Variants in CEP76 observed in about 807,000 individuals in gnomAD.
CEP76 encodes centrosomal protein of 76 kDa.
A neutral mutation model predicts 83.3 loss-of-function variants in CEP76; 55 were observed. The observed-to-expected ratio is 0.66, with a 90% CI of 0.53 to 0.83. CEP76 has a LOEUF of 0.83. CEP76 is among the 40% of genes least tolerant of loss of function. The pLI, the probability that CEP76 is intolerant of heterozygous loss-of-function variation, is 0.00. For synonymous variants in CEP76, 270 were observed against 274.5 expected (o/e 0.98, Z 0.16); for missense variants, 694 against 799.5 (o/e 0.87, Z 1.59).
At chr18:12,662,453 A>G (rs1407165763) in intron 12 of CEP76, among the ~76,000 whole-genome samples, 1 of 152,210 alleles carries the variant, frequency 6.6e-6, no homozygotes, top group Non-Finnish European at 1.5e-5. Flanking sequence ...CTACATTACA[A>G]TGTCCATGTA....
At chr18:12,687,901 T>TA (rs1369958556) in intron 7 of CEP76, among the ~76,000 whole-genome samples, 1 of 152,030 alleles carries the variant, frequency 6.6e-6, no homozygotes. Flanking sequence ...AACTAAATAT[T>TA]AAAAGAATAT....
upstream of CEP76, chr18:12,702,777 G>T (rs193179638): frequency 1.7e-6 from 1 of 580,738 alleles, no homozygotes; most frequent in Non-Finnish European, 3.0e-6. Context: ...GGACAAACAG[G>T]GCTTGGGGCT....
chr18:12,683,807 T>C (rs1424200946), intron 8 of CEP76, among the ~76,000 whole-genome samples: 1 of 151,790 alleles, frequency 6.6e-6, no homozygotes, highest in African/African-American at 2.4e-5. Flanking sequence ...AAAATGTTCA[T>C]AGCATAATGC....
At chr18:12,671,912 C>T (rs187597601), downstream of CEP76, among the ~76,000 whole-genome samples, 85 of 152,190 alleles carry the variant, frequency 5.6e-4, 1 homozygote, top group East Asian at 0.012. Flanking sequence ...CCTCCGCCTC[C>T]CAGGTTCAAG....
chr18:12,671,637 A>G (rs2038945539), downstream of CEP76, among the ~76,000 whole-genome samples: 1 of 121,910 alleles, frequency 8.2e-6, no homozygotes, highest in South Asian at 2.4e-4. Flanking sequence ...CAGGTTTCAC[A>G]CTTTCTTTTT....
At chr18:12,676,435 C>G (rs941410974) in intron 10 of CEP76, among the ~76,000 whole-genome samples, 2 of 150,926 alleles carry the variant, frequency 1.3e-5, no homozygotes, top group East Asian at 3.9e-4. Flanking sequence ...CCACCACACC[C>G]GGCTAATTTT....
At chr18:12,702,291 C>T in intron 1 of CEP76, 195 bp downstream of exon 1, 3 of 551,288 alleles carry the variant, frequency 5.4e-6, no homozygotes, top group Admixed American at 3.7e-5. Context: ...AGCACCTGCT[C>T]GGCTCGTTTT....
At position 12,673,557 on chromosome 18, in the gene CEP76, C is replaced by T. The variant is rs2039007305; in HGVS notation, c.1842-54G>A. 10 of 1,378,108 alleles carry T rather than the reference C, an allele frequency of 7.3e-6. 1 individual carries two copies. The South Asian group carries it at 1.3e-4, about 18-fold the overall frequency. The allele number at this position is 1,378,108 out of a possible 1,614,324, so 85.4% of individuals were successfully genotyped here. A position where few individuals can be genotyped will look rare whatever the true frequency, so the allele number is the denominator to read the frequency against. On this transcript the variant is annotated intron_variant, in intron 11 of 11. Transcript: ENST00000262127. ...TAAGAAGTGACCATACACTTTAATTCCTTATTTGCAAGTAAATCAGTATTT... is the reference window on the plus strand; with the variant it reads ...TAAGAAGTGACCATACACTTTAATTTCTTATTTGCAAGTAAATCAGTATTT...
rs769651931 is a variant in CEP76 at position 12,697,387 on chromosome 18, T to C, written c.542A>G (p.Asp181Gly). 3.7e-6 allele frequency: 6 copies of C among 1,610,570 alleles called. No individual in the cohort carries two copies. Among genetic ancestry groups the C allele is most frequent in the Admixed American group, 1.7e-5 (1 of 59,438 alleles). Reference protein sequence around the residue: ...ESLGDGTRMADSTTMLSISDP... With the variant: ...ESLGDGTRMAGSTTMLSISDP... ...ACTTATTGATAACATTGTTGTTGAATCAGCCATTCTAGTTCCATCACCTAG... is the reference window on the plus strand; with the variant it reads ...ACTTATTGATAACATTGTTGTTGAACCAGCCATTCTAGTTCCATCACCTAG... The change falls in exon 5 of 12, where the codon GAT becomes GGT. Residue 181 changes from aspartate (D) to glycine (G), a missense_variant. Transcript: ENST00000262127.
chr18:12,666,811 A>C (rs1282019831), intron 12 of CEP76, among the ~76,000 whole-genome samples: 1 of 152,068 alleles, frequency 6.6e-6, no homozygotes, highest in Non-Finnish European at 1.5e-5. Context: ...CTACTTTATC[A>C]CAAACAAGCT....
chr18:12,682,191 G>C lies in CEP76; in HGVS notation c.1123-1363C>G, dbSNP rs185923872. On this transcript the variant is annotated intron_variant, in intron 8 of 11. Coordinates refer to ENST00000262127, the MANE Select transcript of CEP76 (RefSeq NM_024899.4). ...TTTTTTTCCTCTCTTTTGAGATAGG[G>C]TCTAGTTCTGACACCCAGGCTGGAG... is the stretch of plus-strand genomic sequence containing the variant. Among the ~76,000 whole-genome samples the C allele has an allele frequency of 4.6e-5, 7 of 151,976 alleles. No homozygotes were observed. The East Asian group carries it at 1.4e-3, about 29-fold the overall frequency.
downstream of CEP76, among the ~76,000 whole-genome samples, chr18:12,668,597 C>CAAAAAAAAAAAAAAAAAAAAAAAAAA (rs752216074): frequency 1.4e-5 from 1 of 72,836 alleles, no homozygotes; most frequent in African/African-American, 5.5e-5. Flanking sequence ...GATTCCATCT[C>CAAAAAAAAAAAAAAAAAAAAAAAAAA]AAAAAAAAAA....
At chr18:12,664,718 A>T (rs964573990) in intron 12 of CEP76, among the ~76,000 whole-genome samples, 1 of 146,510 alleles carries the variant, frequency 6.8e-6, no homozygotes, top group Non-Finnish European at 1.5e-5. Context: ...TTTTTTTTTA[A>T]GACGGGGTCT....
At chr18:12,693,930 C>G (rs955824591) in intron 6 of CEP76, among the ~76,000 whole-genome samples, 1 of 152,124 alleles carries the variant, frequency 6.6e-6, no homozygotes, top group Non-Finnish European at 1.5e-5. Flanking sequence ...ATTCCTGGGT[C>G]AAGCAATCCT....
intron 6 of CEP76, 90 bp downstream of exon 6, chr18:12,695,164 T>C: frequency 2.0e-6 from 1 of 497,366 alleles, no homozygotes; most frequent in Non-Finnish European, 3.5e-6. Context: ...ATGGTAATTT[T>C]CTAAAAATAG....
Position 12,676,279 on chromosome 18 carries a change from C to CTTT in CEP76, c.1624-1529_1624-1527dup, listed in dbSNP as rs1157897766. 3.4e-3 allele frequency among the ~76,000 whole-genome samples: 365 copies of CTTT among 106,356 alleles called. 1 individual carries two copies. The highest frequency in any genetic ancestry group is 5.2e-3 in the East Asian group (18 of 3,442). 69.8% of individuals were successfully genotyped at this position (106,356 alleles called of 152,430 possible). A position where few individuals can be genotyped will look rare whatever the true frequency, so the allele number is the denominator to read the frequency against. ...TTTCTTTTTCTGTAAACAGTAATTC[C>CTTT]TTTTTTTTTTTTTTTTTTTTTTGAG... On this transcript the variant is annotated intron_variant, in intron 10 of 11. Transcript: ENST00000262127.
chr18:12,679,673 T>G (rs948271372), intron 9 of CEP76, among the ~76,000 whole-genome samples: 2 of 152,186 alleles, frequency 1.3e-5, no homozygotes, highest in African/African-American at 4.8e-5. Context: ...TCCAGTGGAT[T>G]TGCCAACGTG....
At chr18:12,682,135 G>T (rs79180614) in intron 8 of CEP76, among the ~76,000 whole-genome samples, 1,706 of 152,232 alleles carry the variant, frequency 0.011, 39 homozygotes, top group African/African-American at 0.039. Flanking sequence ...ATAACTATTT[G>T]AGTTGAGTGT....
intron 12 of CEP76, among the ~76,000 whole-genome samples, chr18:12,664,417 G>A (rs1466224874): frequency 6.6e-6 from 1 of 151,846 alleles, no homozygotes; most frequent in African/African-American, 2.4e-5. Flanking sequence ...GGGCATGGTG[G>A]CATGTGCCTG....
Sources: allele counts gnomAD v4.1 joint callset (sites outside exome capture counted in the v4.1 genomes callset), GRCh38; gene constraint gnomAD v4.1.1; transcripts MANE v1.5; gene names NCBI Gene and HGNC (gene_info 2026-07-23, HGNC 2026-07-21).